HMGCLL1: variants seen among roughly 807,000 people sequenced by gnomAD.
HMGCLL1 encodes the protein 3-hydroxymethyl-3-methylglutaryl-CoA lyase, cytoplasmic.
HMGCLL1 carries 36 observed loss-of-function variants against 39.1 expected under a neutral mutation model. The observed-to-expected ratio is 0.92, with a 90% CI of 0.71 to 1.22. The LOEUF (loss-of-function observed/expected upper bound fraction) is 1.22, where lower values mean the gene tolerates loss of function less well. Ranked by LOEUF, HMGCLL1 falls within the 50% of genes most tolerant of loss-of-function variation. The pLI, the probability that HMGCLL1 is intolerant of heterozygous loss-of-function variation, is 0.00. For synonymous variants in HMGCLL1, 149 were observed against 144.0 expected, an observed-to-expected ratio of 1.03 and a Z score of -0.25; for missense variants, 451 against 416.5, an observed-to-expected ratio of 1.08 and a Z score of -0.72.
chr6:55,629,094 T>C, the HMGCLL1 span, among the ~76,000 whole-genome samples: 19,542 of 152,162 alleles, frequency 0.13, 1,383 homozygotes, highest in East Asian at 0.24. Context: ...TGGAACAGTT[T>C]GGAGGGCTCA....
the HMGCLL1 span, among the ~76,000 whole-genome samples, chr6:55,621,649 C>T: frequency 5.9e-5 from 9 of 151,994 alleles, no homozygotes; most frequent in East Asian, 1.7e-3. Flanking sequence ...AGTGCTCCGA[C>T]TGTTTCTACA....
At chr6:55,598,727 G>T in the HMGCLL1 span, among the ~76,000 whole-genome samples, 1 of 152,088 alleles carries the variant, frequency 6.6e-6, no homozygotes, top group Non-Finnish European at 1.5e-5. Flanking sequence ...ACGTTTAATG[G>T]TTCAATCGCT....
At chr6:55,604,139 G>A in the HMGCLL1 span, among the ~76,000 whole-genome samples, 7 of 152,018 alleles carry the variant, frequency 4.6e-5, no homozygotes, top group Non-Finnish European at 8.8e-5. Context: ...GTGCAGCAAG[G>A]GAGTTGGCCC....
chr6:55,642,685 G>C, the HMGCLL1 span, among the ~76,000 whole-genome samples: 1 of 151,964 alleles, frequency 6.6e-6, no homozygotes, highest in Non-Finnish European at 1.5e-5. Context: ...TTGTTGTAGA[G>C]GTAAACTTGT....
At chr6:55,478,871 A>G (rs1279946044) in intron 7 of HMGCLL1, among the ~76,000 whole-genome samples, 1 of 151,386 alleles carries the variant, frequency 6.6e-6, no homozygotes, top group Non-Finnish European at 1.5e-5. Flanking sequence ...TTTCATGGTA[A>G]ATGGATACAT....
the HMGCLL1 span, among the ~76,000 whole-genome samples, chr6:55,591,397 A>C: frequency 6.6e-6 from 1 of 151,976 alleles, no homozygotes; most frequent in African/African-American, 2.4e-5. Context: ...AGGTCTTCGA[A>C]GCAAACTTGC....
chr6:55,533,864 C>A (rs1046585576), intron 3 of HMGCLL1, among the ~76,000 whole-genome samples: 1 of 108,800 alleles, frequency 9.2e-6, no homozygotes, highest in African/African-American at 3.3e-5. Flanking sequence ...CCAGCCTGGG[C>A]GACAGAGCGA....
intron 5 of HMGCLL1, among the ~76,000 whole-genome samples, chr6:55,502,847 C>T (rs1766963105): frequency 6.6e-6 from 1 of 151,544 alleles, no homozygotes; most frequent in Non-Finnish European, 1.5e-5. Context: ...TTTTTCTCAT[C>T]CACAAAGATG....
rs551458448 is a variant in HMGCLL1 at position 55,498,674 on chromosome 6, T to C, written c.606+562A>G. On this transcript the variant is annotated intron_variant, in intron 6 of 8. Coordinates refer to ENST00000274901, the MANE Select transcript of HMGCLL1 (RefSeq NM_001042406.2). ...TGTATTCATTGGTATAAATAAATAA[T>C]AAAGGACAGGAAGAAAATAAACTTC... 2.0e-5 allele frequency among the ~76,000 whole-genome samples: 3 copies of C among 152,166 alleles called. No homozygotes were observed. The South Asian group carries it at 6.2e-4, about 32-fold the overall frequency.
At chr6:55,446,999 A>C (rs1763876809) in intron 7 of HMGCLL1, among the ~76,000 whole-genome samples, 2 of 152,048 alleles carry the variant, frequency 1.3e-5, no homozygotes, top group African/African-American at 4.8e-5. Flanking sequence ...TATTCATTTT[A>C]ACATGAATAT....
the HMGCLL1 span, among the ~76,000 whole-genome samples, chr6:55,605,923 C>A: frequency 1.3e-5 from 2 of 152,088 alleles, no homozygotes; most frequent in Non-Finnish European, 2.9e-5. Flanking sequence ...AATTTCCCTC[C>A]AGCAAAATAA....
At chr6:55,531,431 C>T (rs1768664239) in intron 3 of HMGCLL1, among the ~76,000 whole-genome samples, 1 of 152,052 alleles carries the variant, frequency 6.6e-6, no homozygotes, top group Non-Finnish European at 1.5e-5. Flanking sequence ...TTCTACAAGA[C>T]CAAATTTTAA....
At chr6:55,670,241 A>G in the HMGCLL1 span, among the ~76,000 whole-genome samples, 5 of 151,764 alleles carry the variant, frequency 3.3e-5, no homozygotes, top group African/African-American at 9.7e-5. Context: ...CCAGAATTCT[A>G]TCTCCAAAAA....
At chr6:55,561,413 C>T (rs1432227103) in intron 1 of HMGCLL1, among the ~76,000 whole-genome samples, 1 of 152,116 alleles carries the variant, frequency 6.6e-6, no homozygotes, top group South Asian at 2.1e-4. Context: ...GCCCTTCAGC[C>T]ATGGACTTTT....
the HMGCLL1 span, among the ~76,000 whole-genome samples, chr6:55,620,728 T>C: frequency 2.0e-5 from 3 of 152,110 alleles, no homozygotes; most frequent in Admixed American, 2.0e-4. Flanking sequence ...TTTAGTAGTT[T>C]TATGATTTCA....
intron 1 of HMGCLL1, among the ~76,000 whole-genome samples, chr6:55,548,606 A>C (rs1156664259): frequency 6.6e-6 from 1 of 152,066 alleles, no homozygotes; most frequent in African/African-American, 2.4e-5. Flanking sequence ...GTGTTCACTT[A>C]CTACTTAAAT....
chr6:55,579,168 G>T lies in HMGCLL1; in HGVS notation c.-113C>A. ...GGGAGCGCGCCCCTCCGGTGCACTG[G>T]CTGTGAGGACCAGAGCTGTTCTGCG... is the stretch of plus-strand genomic sequence containing the variant. On this transcript the variant is annotated 5_prime_UTR_variant, in exon 1 of 9. Transcript: ENST00000274901. The T allele has an allele frequency of 1.3e-6, 1 of 789,838 alleles. No homozygotes were observed. The highest frequency in any genetic ancestry group is 2.1e-6 in the Non-Finnish European group (1 of 472,370). 48.9% of individuals were successfully genotyped at this position (789,838 alleles called of 1,614,324 possible). A position where few individuals can be genotyped will look rare whatever the true frequency, so the allele number is the denominator to read the frequency against.
At chr6:55,611,132 A>G in the HMGCLL1 span, among the ~76,000 whole-genome samples, 1 of 152,206 alleles carries the variant, frequency 6.6e-6, no homozygotes. Flanking sequence ...AACTACAAGG[A>G]AATTGAACAA....
intron 7 of HMGCLL1, among the ~76,000 whole-genome samples, chr6:55,453,623 C>A (rs953453494): frequency 6.6e-6 from 1 of 152,116 alleles, no homozygotes; most frequent in Non-Finnish European, 1.5e-5. Context: ...CCATCATCAG[C>A]ACTTTTATTT....
Sources: allele counts gnomAD v4.1 joint callset (sites outside exome capture counted in the v4.1 genomes callset), GRCh38; gene constraint gnomAD v4.1.1; transcripts MANE v1.5; gene names NCBI Gene and HGNC (gene_info 2026-07-23, HGNC 2026-07-21).